MORC1: variants seen among roughly 807,000 people sequenced by gnomAD.
MORC1 encodes MORC family CW-type zinc finger 1, also known as MORC family CW-type zinc finger protein 1.
In MORC1, 59 loss-of-function variants were observed where a neutral mutation model predicts 134.9. The ratio of observed to expected loss-of-function variants is 0.44; its 90% CI spans 0.35 to 0.54. MORC1 has a LOEUF of 0.54. Among genes scored for constraint, MORC1 ranks in the 20% least tolerant of loss-of-function variants. The pLI, the probability that MORC1 is intolerant of heterozygous loss-of-function variation, is 0.00. For synonymous variants in MORC1, 395 were observed against 391.7 expected (o/e 1.01, Z -0.10); for missense variants, 947 against 1,134.5 (o/e 0.83, Z 2.37).
chr3:108,984,214 A>G (rs1947833303), intron 23 of MORC1, among the ~76,000 whole-genome samples: 2 of 152,202 alleles, frequency 1.3e-5, no homozygotes, highest in Non-Finnish European at 2.9e-5. Context: ...TGTACAGAGG[A>G]TAAGAGTTTG....
chr3:108,973,428 C>T lies in MORC1; in HGVS notation c.2478-2026G>A, dbSNP rs1947447640. ...GTGATAAAGGAAGAGTGGGAGTTAG[C>T]CAGGTGTAGCAGATGGGGGCATGTG... On this transcript the variant is annotated intron_variant, in intron 24 of 27. Coordinates refer to ENST00000232603, the MANE Select transcript of MORC1 (RefSeq NM_014429.4). 3.3e-5 allele frequency among the ~76,000 whole-genome samples: 5 copies of T among 152,050 alleles called. No homozygotes were observed. The South Asian group carries it at 1.0e-3, about 32-fold the overall frequency.
intron 8 of MORC1, among the ~76,000 whole-genome samples, chr3:109,087,139 C>G (rs866500244): frequency 6.6e-6 from 1 of 150,638 alleles, no homozygotes; most frequent in African/African-American, 2.5e-5. Flanking sequence ...CCTCTGCCCC[C>G]CAAATTAATG....
At chr3:109,072,697 A>T (rs946956980) in intron 8 of MORC1, among the ~76,000 whole-genome samples, 1 of 152,178 alleles carries the variant, frequency 6.6e-6, no homozygotes, top group Non-Finnish European at 1.5e-5. Flanking sequence ...AAACATGCTA[A>T]ATCGTCAGGA....
chr3:109,051,086 A>G (rs963843098), intron 14 of MORC1, among the ~76,000 whole-genome samples: 3 of 152,240 alleles, frequency 2.0e-5, no homozygotes, highest in Non-Finnish European at 4.4e-5. Flanking sequence ...GTAAGGATGT[A>G]TAAAGCTTCA....
At chr3:109,005,477 A>G (rs757194828) in intron 18 of MORC1, among the ~76,000 whole-genome samples, 162 bp from the exon 19 acceptor site, 7 of 152,216 alleles carry the variant, frequency 4.6e-5, no homozygotes, top group Non-Finnish European at 8.8e-5. Context: ...TAATGCCACA[A>G]TGGCTCATTA....
At chr3:109,054,583 T>C in intron 14 of MORC1, 145 bp downstream of exon 14, 1 of 677,322 alleles carries the variant, frequency 1.5e-6, no homozygotes, top group Non-Finnish European at 2.2e-6. Flanking sequence ...TGGGCTCCCT[T>C]CTCACTCCTG....
At chr3:108,990,898 T>TCTCTCTCTCTCTCTCTCTCTCTC (rs1559876202) in intron 21 of MORC1, among the ~76,000 whole-genome samples, 46 of 145,752 alleles carry the variant, frequency 3.2e-4, no homozygotes, top group African/African-American at 1.1e-3. Context: ...GTTTCTCTCT[T>TCTCTCTCTCTCTCTCTCTCTCTC]TCTCTCTCTC....
At position 109,045,021 on chromosome 3, in the gene MORC1, T is replaced by C. The variant is rs181425537; in HGVS notation, c.1331-9553A>G. 2.2e-3 allele frequency among the ~76,000 whole-genome samples: 330 copies of C among 151,370 alleles called. 1 individual carries two copies. The highest frequency in any genetic ancestry group is 3.4e-3 in the Non-Finnish European group (231 of 67,942). On this transcript the variant is annotated intron_variant, in intron 14 of 27. Coordinates refer to ENST00000232603, the MANE Select transcript of MORC1 (RefSeq NM_014429.4). ...TTGTATCTGTTCATAGAACATACAA[T>C]GACATTCAGGGAATCAGTGAGCCTA... is the stretch of plus-strand genomic sequence containing the variant.
At chr3:109,093,176 C>T (rs1045849272) in intron 8 of MORC1, among the ~76,000 whole-genome samples, 28 of 152,226 alleles carry the variant, frequency 1.8e-4, no homozygotes, top group Admixed American at 6.5e-4. Context: ...AGACTGATTC[C>T]TAGGCTTGGT....
At chr3:109,115,194 T>C (rs1951243603) in intron 1 of MORC1, among the ~76,000 whole-genome samples, 1 of 152,228 alleles carries the variant, frequency 6.6e-6, no homozygotes, top group Non-Finnish European at 1.5e-5. Flanking sequence ...ATTTTCTTTC[T>C]ATATTTAGTA....
intron 21 of MORC1, among the ~76,000 whole-genome samples, chr3:108,996,283 C>CGT (rs1948216043): frequency 8.8e-6 from 1 of 113,120 alleles, no homozygotes; most frequent in African/African-American, 2.9e-5. Context: ...CGTGCGCGCG[C>CGT]GCGCACACAC....
intron 10 of MORC1, 127 bp downstream of exon 10, chr3:109,063,025 A>C (rs1576697472): frequency 1.7e-6 from 1 of 591,672 alleles, no homozygotes; most frequent in South Asian, 3.3e-5. Context: ...TAGAGACAGA[A>C]ACTACATTTA....
At position 109,019,145 on chromosome 3, in the gene MORC1, T is replaced by C. The variant is rs576328587; in HGVS notation, c.1704+8606A>G. 3.3e-5 allele frequency: 5 copies of C among 152,326 alleles called. No homozygotes were observed. The South Asian group carries it at 1.0e-3, about 32-fold the overall frequency. The allele number at this position is 152,326 out of a possible 1,614,324, so 9.4% of individuals were successfully genotyped here. ...CTTCTTCTTTTCACCGGCCTGGTGG[T>C]ACTCAGATCAAGGACTACAGACACC... On this transcript the variant is annotated intron_variant, in intron 17 of 27. Transcript: ENST00000232603.
chr3:108,963,617 G>A lies in MORC1; in HGVS notation c.2605-9C>T, dbSNP rs368180729. 3 of 1,500,972 alleles carry A rather than the reference G, an allele frequency of 2.0e-6. No individual in the cohort carries two copies. Among genetic ancestry groups the A allele is most frequent in the African/African-American group, 2.8e-5 (2 of 70,370 alleles). 93.0% of individuals were successfully genotyped at this position (1,500,972 alleles called of 1,614,324 possible). A position where few individuals can be genotyped will look rare whatever the true frequency, so the allele number is the denominator to read the frequency against. The stretch of plus-strand genomic sequence containing the variant: ...ATGTAAGTATTCTGTATCTGGGAAT[G>A]TTTTAAAAACAGTTTTAGCATGTTT... On this transcript the variant is annotated splice_polypyrimidine_tract_variant and intron_variant, in intron 26 of 27. Transcript: ENST00000232603.
chr3:109,072,240 T>C (rs4585204), intron 8 of MORC1, among the ~76,000 whole-genome samples: 124,752 of 152,108 alleles, frequency 0.82, 51,454 homozygotes, highest in East Asian at 0.93. Flanking sequence ...TTTAGGACCA[T>C]TCTCAGTTCT....
At chr3:109,103,625 C>G (rs952180283) in intron 4 of MORC1, among the ~76,000 whole-genome samples, 1 of 152,146 alleles carries the variant, frequency 6.6e-6, no homozygotes, top group African/African-American at 2.4e-5. Context: ...ATTTTTCTGA[C>G]AATATTAATA....
At chr3:108,986,998 T>C (rs759728673) in intron 21 of MORC1, 49 bp from the exon 22 acceptor site, 1 of 1,389,164 alleles carries the variant, frequency 7.2e-7, no homozygotes, top group East Asian at 2.4e-5. Context: ...ATAGGACATA[T>C]TATAAACTTG....
At position 109,063,596 on chromosome 3, in the gene MORC1, A is replaced by T. The variant is rs529391585; in HGVS notation, c.816-365T>A. 2.0e-5 allele frequency among the ~76,000 whole-genome samples: 3 copies of T among 152,310 alleles called. No individual in the cohort carries two copies. In the South Asian group the frequency reaches 6.2e-4, roughly 32 times the overall value. ...CCCTCTTACTCAGATTATGATCGAC[A>T]CTGGATAAACTACTTCTCCTAGTCC... On this transcript the variant is annotated intron_variant, in intron 9 of 27. Transcript: ENST00000232603.
chr3:109,110,073 C>T (rs1285711108), intron 3 of MORC1: 1 of 152,222 alleles, frequency 6.6e-6, no homozygotes, highest in African/African-American at 2.4e-5. Context: ...CGTAAGCACT[C>T]CTCTGACTCA....
Sources: gnomAD v4.1 joint callset for allele counts (sites outside exome capture counted in the v4.1 genomes callset) on GRCh38, gnomAD v4.1.1 for gene constraint, MANE v1.5 for transcripts, NCBI Gene and HGNC (gene_info 2026-07-23, HGNC 2026-07-21) for gene names.